Variants in ARID2 observed in about 807,000 individuals in gnomAD.
ARID2 encodes the protein AT-rich interactive domain-containing protein 2.
In ARID2, 32 loss-of-function variants were observed where a neutral mutation model predicts 184.6. That is an observed-to-expected ratio of 0.17 (90% CI 0.13 to 0.23). ARID2 has a LOEUF of 0.23. ARID2 is among the 10% of genes least tolerant of loss of function. The pLI, the probability that ARID2 is intolerant of heterozygous loss-of-function variation, is 1.00. For synonymous variants in ARID2, 836 were observed against 772.6 expected (o/e 1.08, Z -1.36); for missense variants, 1,696 against 2,197.6 (o/e 0.77, Z 4.56).
At chr12:45,899,319 A>G (rs1351078193) in intron 20 of ARID2, among the ~76,000 whole-genome samples, 1 of 139,748 alleles carries the variant, frequency 7.2e-6, no homozygotes, top group Non-Finnish European at 1.6e-5. Context: ...AAAAGTTATA[A>G]CCAGGCTGGG....
intron 5 of ARID2, among the ~76,000 whole-genome samples, chr12:45,820,469 T>C (rs773551670): frequency 7.2e-5 from 11 of 152,226 alleles, no homozygotes; most frequent in South Asian, 2.1e-4. Flanking sequence ...CCACTTGTTA[T>C]GCTTGTCATA....
chr12:45,801,125 A>T (rs1942490449), intron 3 of ARID2, among the ~76,000 whole-genome samples: 1 of 152,144 alleles, frequency 6.6e-6, no homozygotes, highest in African/African-American at 2.4e-5. Flanking sequence ...ATCCTGGCTA[A>T]CATGGTGAAA....
chr12:45,848,818 A>G lies in ARID2; in HGVS notation c.1581-18A>G, dbSNP rs1255621740. The G allele has an allele frequency of 6.2e-7, 1 of 1,603,700 alleles. No homozygotes were observed. Among genetic ancestry groups the G allele is most frequent in the Non-Finnish European group, 8.5e-7 (1 of 1,174,412 alleles). On this transcript the variant is annotated intron_variant, in intron 12 of 20. Transcript: ENST00000334344. Reference sequence around the variant, plus strand: ...CCTAGAGTATATTGTATAATGCTTAATTTTTCTCCTCTTTTAGGCTAAATG... The same window carrying G: ...CCTAGAGTATATTGTATAATGCTTAGTTTTTCTCCTCTTTTAGGCTAAATG...
At chr12:45,771,512 A>G (rs1358424340) in intron 3 of ARID2, among the ~76,000 whole-genome samples, 4 of 151,846 alleles carry the variant, frequency 2.6e-5, no homozygotes, top group Non-Finnish European at 4.4e-5. Context: ...AAAAAAAAAA[A>G]AAAATTTAAA....
intron 4 of ARID2, among the ~76,000 whole-genome samples, chr12:45,816,829 A>G (rs1942812649): frequency 6.6e-6 from 1 of 152,238 alleles, no homozygotes; most frequent in Admixed American, 6.5e-5. Context: ...CTTATTTGGC[A>G]TTTTGAAATA....
intron 3 of ARID2, among the ~76,000 whole-genome samples, chr12:45,805,599 C>T (rs1009850303): frequency 7.9e-5 from 12 of 151,844 alleles, no homozygotes; most frequent in South Asian, 2.1e-4. Flanking sequence ...CTAACCATTC[C>T]GACATTTTAA....
At chr12:45,887,319 A>G (rs569766680) in intron 16 of ARID2, among the ~76,000 whole-genome samples, 284 of 152,334 alleles carry the variant, frequency 1.9e-3, no homozygotes, top group Non-Finnish European at 3.1e-3. Context: ...TAATTATATT[A>G]AATACTACAT....
intron 6 of ARID2, among the ~76,000 whole-genome samples, chr12:45,828,105 A>C (rs1029770840): frequency 6.6e-6 from 1 of 152,096 alleles, no homozygotes; most frequent in African/African-American, 2.4e-5. Flanking sequence ...GAATACACTC[A>C]TGTAATCGTT....
chr12:45,885,439 A>G (rs774378610), intron 16 of ARID2, among the ~76,000 whole-genome samples: 1 of 151,926 alleles, frequency 6.6e-6, no homozygotes, highest in Non-Finnish European at 1.5e-5. Context: ...AATCCCTTGC[A>G]TTTTAAGTCA....
intron 6 of ARID2, among the ~76,000 whole-genome samples, chr12:45,834,368 GTTT>G (rs983336883): frequency 3.3e-5 from 5 of 150,180 alleles, no homozygotes; most frequent in Non-Finnish European, 5.9e-5. Context: ...GAGCTTTTCT[GTTT>G]TTTATTTGTC....
chr12:45,768,444 G>A (rs752788921), intron 3 of ARID2, among the ~76,000 whole-genome samples: 5 of 152,156 alleles, frequency 3.3e-5, no homozygotes, highest in Non-Finnish European at 5.9e-5. Context: ...TTGTCCTCTA[G>A]CTGGGTTGTC....
rs762542768 is a variant in ARID2 at position 45,851,693 on chromosome 12, A to T, written c.3570A>T (p.Gly1190=). The stretch of plus-strand genomic sequence containing the variant: ...TTGCACCTGCAACTGTGAGTCAGGG[A>T]AATGCAACTCAGCTCATTGCTCCAG... The part of the protein sequence containing the change: ...TSFAPATVSQ[G]NATQLIAPAG... Residue 1190 remains glycine, a synonymous_variant, in exon 15 of 21, where the codon GGA becomes GGT. Transcript: ENST00000334344. 3 of 1,614,038 alleles carry T rather than the reference A, an allele frequency of 1.9e-6. No individual in the cohort carries two copies.
intron 16 of ARID2, among the ~76,000 whole-genome samples, chr12:45,863,168 T>G (rs1943776904): frequency 6.6e-6 from 1 of 152,204 alleles, no homozygotes; most frequent in South Asian, 2.1e-4. Context: ...TACATTTTAG[T>G]TGAGTCTTAA....
At chr12:45,794,384 A>G (rs953914207) in intron 3 of ARID2, among the ~76,000 whole-genome samples, 2 of 152,324 alleles carry the variant, frequency 1.3e-5, no homozygotes, top group Non-Finnish European at 2.9e-5. Context: ...TGAAGAAAAC[A>G]TCTTGCATAA....
At chr12:45,781,967 A>T (rs532379717) in intron 3 of ARID2, among the ~76,000 whole-genome samples, 36 of 152,170 alleles carry the variant, frequency 2.4e-4, no homozygotes, top group Non-Finnish European at 4.4e-4. Flanking sequence ...ACAAGATAAA[A>T]CTTGCTGTTT....
intron 3 of ARID2, among the ~76,000 whole-genome samples, chr12:45,785,407 T>C (rs939801307): frequency 1.8e-4 from 27 of 152,180 alleles, no homozygotes; most frequent in African/African-American, 5.6e-4. Context: ...GGATTGATGT[T>C]TTCCATAAGA....
intron 16 of ARID2, among the ~76,000 whole-genome samples, chr12:45,874,688 A>G (rs1444420982): frequency 6.6e-6 from 1 of 152,196 alleles, no homozygotes; most frequent in Non-Finnish European, 1.5e-5. Flanking sequence ...TAATGTTCAT[A>G]TTTCGACCTC....
At chr12:45,873,735 T>C (rs1259187587) in intron 16 of ARID2, among the ~76,000 whole-genome samples, 1 of 152,178 alleles carries the variant, frequency 6.6e-6, no homozygotes, top group African/African-American at 2.4e-5. Context: ...ACATTTTGTC[T>C]AAAATAAAAA....
chr12:45,879,167 G>A (rs773003885), intron 16 of ARID2, among the ~76,000 whole-genome samples: 4 of 152,040 alleles, frequency 2.6e-5, no homozygotes, highest in Non-Finnish European at 5.9e-5. Context: ...TTCATCTAAG[G>A]GCTGCGACTT....
Sources: allele counts gnomAD v4.1 joint callset (sites outside exome capture counted in the v4.1 genomes callset), GRCh38; gene constraint gnomAD v4.1.1; transcripts MANE v1.5; gene names NCBI Gene and HGNC (gene_info 2026-07-23, HGNC 2026-07-21).